Variants in CACNA2D4 observed in about 807,000 individuals in gnomAD.
CACNA2D4 encodes voltage-dependent calcium channel subunit alpha-2/delta-4.
CACNA2D4 carries 157 observed loss-of-function variants against 163.8 expected under a neutral mutation model. The ratio of observed to expected loss-of-function variants is 0.96; its 90% CI spans 0.84 to 1.09. The LOEUF (loss-of-function observed/expected upper bound fraction) is 1.09. Ranked by LOEUF, CACNA2D4 falls within the 50% of genes least tolerant of loss-of-function variation. The pLI, the probability that CACNA2D4 is intolerant of heterozygous loss-of-function variation, is 0.00. For missense variants in CACNA2D4, 1,410 were observed against 1,479.9 expected (o/e 0.95, Z 0.78); for synonymous variants, 598 against 586.9 (o/e 1.02, Z -0.27).
intron 6 of CACNA2D4, among the ~76,000 whole-genome samples, chr12:1,902,595 A>G (rs1866563050): frequency 6.6e-6 from 1 of 152,096 alleles, no homozygotes; most frequent in South Asian, 2.1e-4. Flanking sequence ...AAAGAAATCA[A>G]GAAAGTAATC....
At chr12:1,877,383 A>G (rs922982161) in intron 16 of CACNA2D4, among the ~76,000 whole-genome samples, 3 of 152,168 alleles carry the variant, frequency 2.0e-5, no homozygotes. Flanking sequence ...AGGGAGTGAC[A>G]TGTTATGGGC....
chr12:1,878,398 G>T lies in CACNA2D4; in HGVS notation c.1645-9C>A. On this transcript the variant is annotated splice_polypyrimidine_tract_variant and intron_variant, in intron 15 of 37. Coordinates refer to ENST00000382722, the MANE Select transcript of CACNA2D4 (RefSeq NM_172364.5). This position sits in a 1 kb window ranked among gnomAD's most constrained non-coding sequence, Gnocchi z 4.6. ...TATCCGTGCACTCCAAGCTGCCAGA[G>T]TCCAGGGTGGAGGCGCATTAGGCCT... The T allele has an allele frequency of 3.1e-6, 5 of 1,594,784 alleles. No individual in the cohort carries two copies. The highest frequency in any genetic ancestry group is 4.3e-6 in the Non-Finnish European group (5 of 1,170,732).
chr12:1,897,876 T>C (rs1866443398), intron 6 of CACNA2D4, among the ~76,000 whole-genome samples: 2 of 152,168 alleles, frequency 1.3e-5, no homozygotes, highest in African/African-American at 4.8e-5. Context: ...TCTAATGGCA[T>C]GTATAGAAGA....
chr12:1,810,431 A>G, intron 28 of CACNA2D4, 91 bp from the exon 29 acceptor site: 1 of 1,518,762 alleles, frequency 6.6e-7, no homozygotes. Flanking sequence ...GCAGCGTGGG[A>G]GCTTCACTGC....
At chr12:1,877,432 C>T (rs1865905618) in intron 16 of CACNA2D4, among the ~76,000 whole-genome samples, 1 of 152,208 alleles carries the variant, frequency 6.6e-6, no homozygotes, top group East Asian at 1.9e-4. Context: ...TGGAAGACAG[C>T]ATGAACAGAG....
At chr12:1,876,608 T>C (rs916887061) in intron 16 of CACNA2D4, among the ~76,000 whole-genome samples, 2 of 151,890 alleles carry the variant, frequency 1.3e-5, no homozygotes, top group Non-Finnish European at 2.9e-5. Context: ...TCCGCCAGTT[T>C]TTTGTTTGTT....
At position 1,797,529 on chromosome 12, in the gene CACNA2D4, T is replaced by C; in HGVS notation, c.3002A>G (p.Lys1001Arg). Reference protein sequence around the residue: ...EAKSVFHHSHKHKKQDPLQPC... With the variant: ...EAKSVFHHSHRHKKQDPLQPC... ...CTGCAGCGGGTCCTGCTTCTTGTGT[T>C]TGTGGGCTGCGGGCGGAGAAAGGAC... The change falls in exon 35 of 38, where the codon AAA (lysine) becomes AGA (arginine). Residue 1001 changes from lysine (K) to arginine (R), a missense_variant. Physicochemically the swap from Lys to Arg is conservative, Grantham distance 26. Transcript: ENST00000382722. 1 of 1,563,830 alleles carries C rather than the reference T, an allele frequency of 6.4e-7. No homozygotes were observed. The highest frequency in any genetic ancestry group is 1.2e-5 in the South Asian group (1 of 85,384).
At chr12:1,895,453 A>G (rs1866380922) in intron 6 of CACNA2D4, among the ~76,000 whole-genome samples, 1 of 152,166 alleles carries the variant, frequency 6.6e-6, no homozygotes, top group African/African-American at 2.4e-5. Flanking sequence ...AAACAAAAAC[A>G]AAAAACAAAG....
intron 23 of CACNA2D4, among the ~76,000 whole-genome samples, chr12:1,850,912 T>C (rs2154448140): frequency 6.6e-6 from 1 of 150,770 alleles, no homozygotes; most frequent in South Asian, 2.1e-4. Context: ...AGATGAGGTC[T>C]TGCTCTGTTG....
At chr12:1,895,118 G>T (rs1374077645) in intron 6 of CACNA2D4, among the ~76,000 whole-genome samples, 1 of 152,122 alleles carries the variant, frequency 6.6e-6, no homozygotes, top group East Asian at 1.9e-4. Context: ...AAGTAATCAA[G>T]AAGGCAATCT....
chr12:1,905,223 T>C (rs1016277604), intron 6 of CACNA2D4, among the ~76,000 whole-genome samples: 3 of 152,032 alleles, frequency 2.0e-5, no homozygotes, highest in Non-Finnish European at 4.4e-5. Flanking sequence ...GATATAAAAA[T>C]CATATATGGA....
Position 1,792,935 on chromosome 12 carries a change from T to C in CACNA2D4, c.*720A>G, listed in dbSNP as rs1055131713. The C allele has an allele frequency of 6.6e-6, 1 of 152,242 alleles. No homozygotes were observed. Among genetic ancestry groups the C allele is most frequent in the African/African-American group, 2.4e-5 (1 of 41,444 alleles). 9.4% of individuals were successfully genotyped at this position (152,242 alleles called of 1,614,324 possible). On this transcript the variant is annotated 3_prime_UTR_variant, in exon 38 of 38. Coordinates refer to ENST00000382722, the MANE Select transcript of CACNA2D4 (RefSeq NM_172364.5). ...ATTGGCTTTTCATAGATGCAAACTT[T>C]CCTTTAGGGCTTTGTAAAGAAGTTT...
In CACNA2D4 at chr12:1,879,781, C is replaced by T. The variant is rs116606278; in HGVS notation, c.1563+23G>A. Reference sequence around the variant, plus strand: ...CCCCAGGTTCTAATCCCTGCTACAACGTCTCCAGGAGCGGCCACTCACCGT... The same window carrying T: ...CCCCAGGTTCTAATCCCTGCTACAATGTCTCCAGGAGCGGCCACTCACCGT... On this transcript the variant is annotated intron_variant, in intron 14 of 37. Transcript: ENST00000382722. The T allele has an allele frequency of 3.3e-5, 51 of 1,567,902 alleles. No homozygotes were observed. In the African/African-American group the frequency reaches 5.4e-4, roughly 17 times the overall value.
At chr12:1,898,455 C>A (rs890687882) in intron 6 of CACNA2D4, among the ~76,000 whole-genome samples, 4 of 151,892 alleles carry the variant, frequency 2.6e-5, no homozygotes, top group African/African-American at 9.7e-5. Context: ...GAGCAAATGG[C>A]CAATAAGCAC....
intron 26 of CACNA2D4, among the ~76,000 whole-genome samples, chr12:1,823,928 C>T (rs995466059): frequency 6.6e-6 from 1 of 152,206 alleles, no homozygotes; most frequent in African/African-American, 2.4e-5. Flanking sequence ...AGCAGACAGA[C>T]AACTGAGTTA....
chr12:1,836,601 A>C (rs1864869106), intron 26 of CACNA2D4: 1 of 152,430 alleles, frequency 6.6e-6, no homozygotes, highest in Non-Finnish European at 1.5e-5. Flanking sequence ...GTGGGCTGGT[A>C]CCAGATCTGG....
At chr12:1,880,632 A>C (rs1178280907) in intron 13 of CACNA2D4, among the ~76,000 whole-genome samples, 2 of 152,244 alleles carry the variant, frequency 1.3e-5, no homozygotes, top group African/African-American at 4.8e-5. Context: ...CTTGGATGAG[A>C]TCAACTAAAG....
rs954715677 is a variant in CACNA2D4 at position 1,833,106 on chromosome 12, G to C, written c.2551+7633C>G. On this transcript the variant is annotated intron_variant, in intron 26 of 37. Coordinates refer to ENST00000382722, the MANE Select transcript of CACNA2D4 (RefSeq NM_172364.5). The surrounding 1 kb of genome is among the most constrained non-coding windows in gnomAD (Gnocchi z 4.2). ...GCACAAAAATGCATGCCATGAGAAT[G>C]TGCAGTTTTCAGACTTTTTCAATAG... Among the ~76,000 whole-genome samples, 3 of 152,232 alleles carry C rather than the reference G, an allele frequency of 2.0e-5. No individual in the cohort carries two copies. The highest frequency in any genetic ancestry group is 4.4e-5 in the Non-Finnish European group (3 of 68,042).
Position 1,828,093 on chromosome 12 carries a change from C to G in CACNA2D4, c.2551+12646G>C, listed in dbSNP as rs1864432409. 1 of 1,456,636 alleles carries G rather than the reference C, an allele frequency of 6.9e-7. No individual in the cohort carries two copies. Among genetic ancestry groups the G allele is most frequent in the Non-Finnish European group, 9.1e-7 (1 of 1,097,720 alleles). The allele number at this position is 1,456,636 out of a possible 1,614,324, so 90.2% of individuals were successfully genotyped here. A position where few individuals can be genotyped will look rare whatever the true frequency, so the allele number is the denominator to read the frequency against. On this transcript the variant is annotated intron_variant, in intron 26 of 37. Transcript: ENST00000382722. The surrounding 1 kb of genome is among the most constrained non-coding windows in gnomAD (Gnocchi z 4.2). The stretch of plus-strand genomic sequence containing the variant: ...TCCCTCAGGACTGACAGGCGGCGCA[C>G]CCAGGGGCTCCTCTCTCCCCAGAGC...
Sources: gnomAD v4.1 joint callset for allele counts (sites outside exome capture counted in the v4.1 genomes callset) on GRCh38, gnomAD v4.1.1 for gene constraint, Gnocchi (gnomAD v3.1) non-coding constraint, MANE v1.5 for transcripts, NCBI Gene and HGNC (gene_info 2026-07-23, HGNC 2026-07-21) for gene names.